The following PCSK2 variants were observed in gnomAD, a reference collection of about 807,000 sequenced individuals.
PCSK2 encodes the protein neuroendocrine convertase 2.
In PCSK2, 14 loss-of-function variants were observed where a neutral mutation model predicts 69.7. That is an observed-to-expected ratio of 0.20 (90% confidence interval 0.13 to 0.31). The LOEUF (loss-of-function observed/expected upper bound fraction) is 0.31. Among genes scored for constraint, PCSK2 ranks in the 10% least tolerant of loss-of-function variants. The pLI is 1.00. For synonymous variants in PCSK2, 307 were observed against 320.7 expected, an observed-to-expected ratio of 0.96 and a Z score of 0.46; for missense variants, 544 against 842.5, an observed-to-expected ratio of 0.65 and a Z score of 4.39.
At chr20:17,234,099 T>C (rs1432044074) in intron 1 of PCSK2, among the ~76,000 whole-genome samples, 1 of 152,222 alleles carries the variant, frequency 6.6e-6, no homozygotes, top group African/African-American at 2.4e-5. Context: ...CAAACTAATA[T>C]GCTGTCAGTA....
chr20:17,294,198 G>T (rs1437819128), intron 2 of PCSK2, among the ~76,000 whole-genome samples: 1 of 137,172 alleles, frequency 7.3e-6, no homozygotes, highest in Non-Finnish European at 1.5e-5. Context: ...TCCGCCTCCC[G>T]GGTTCACGCC....
At chr20:17,405,438 A>G (rs1281259966) in intron 5 of PCSK2, among the ~76,000 whole-genome samples, 1 of 152,198 alleles carries the variant, frequency 6.6e-6, no homozygotes, top group Non-Finnish European at 1.5e-5. Flanking sequence ...AGCAATGGGC[A>G]CAGCCACCAT....
At chr20:17,395,077 A>G (rs2031479865) in intron 5 of PCSK2, among the ~76,000 whole-genome samples, 1 of 152,188 alleles carries the variant, frequency 6.6e-6, no homozygotes, top group South Asian at 2.1e-4. Context: ...CCCAGCTATT[A>G]TAAACACTGA....
At chr20:17,319,709 C>G (rs954314713) in intron 2 of PCSK2, among the ~76,000 whole-genome samples, 4 of 152,142 alleles carry the variant, frequency 2.6e-5, no homozygotes, top group Non-Finnish European at 5.9e-5. Context: ...AAGGACGTTA[C>G]TGCAACAACC....
chr20:17,404,983 TG>T (rs2031722251), intron 5 of PCSK2, among the ~76,000 whole-genome samples: 1 of 152,184 alleles, frequency 6.6e-6, no homozygotes, highest in Non-Finnish European at 1.5e-5. Context: ...CTGATTTAGC[TG>T]GTGGGCCATA....
At chr20:17,474,326 C>T (rs2033254085) in intron 11 of PCSK2, among the ~76,000 whole-genome samples, 1 of 152,180 alleles carries the variant, frequency 6.6e-6, no homozygotes, top group Non-Finnish European at 1.5e-5. Flanking sequence ...GCCAGCATGG[C>T]CTGTGACCCC....
At chr20:17,342,297 A>G (rs1440595218) in intron 2 of PCSK2, among the ~76,000 whole-genome samples, 1 of 152,196 alleles carries the variant, frequency 6.6e-6, no homozygotes, top group Non-Finnish European at 1.5e-5. Context: ...TAAGCAATCT[A>G]TAACGCTCTT....
intron 7 of PCSK2, among the ~76,000 whole-genome samples, chr20:17,430,994 AAC>A (rs1242343143): frequency 6.6e-6 from 1 of 152,130 alleles, no homozygotes; most frequent in Non-Finnish European, 1.5e-5. Context: ...GCACTCTGAA[AAC>A]ACCTGAGCAT....
chr20:17,386,684 T>C (rs2031243085), intron 5 of PCSK2, among the ~76,000 whole-genome samples: 1 of 152,192 alleles, frequency 6.6e-6, no homozygotes, highest in African/African-American at 2.4e-5. Context: ...AGTTTTAGTT[T>C]TGCAAGATGA....
At chr20:17,363,197 T>C (rs1389788488) in intron 4 of PCSK2, among the ~76,000 whole-genome samples, 1 of 152,236 alleles carries the variant, frequency 6.6e-6, no homozygotes, top group Non-Finnish European at 1.5e-5. Flanking sequence ...GAAGTTTAAA[T>C]TTGTGGACAG....
intron 2 of PCSK2, among the ~76,000 whole-genome samples, chr20:17,318,470 A>G: frequency 6.6e-6 from 1 of 152,228 alleles, no homozygotes; most frequent in East Asian, 1.9e-4. Context: ...GAAAAACAAC[A>G]TTACCAGCCC....
intron 2 of PCSK2, among the ~76,000 whole-genome samples, chr20:17,313,461 C>T (rs1989579832): frequency 6.6e-6 from 1 of 152,054 alleles, no homozygotes; most frequent in Admixed American, 6.5e-5. Context: ...TCCAAGAGGG[C>T]CCACTGACAA....
chr20:17,277,733 C>G (rs1385404573), intron 2 of PCSK2, among the ~76,000 whole-genome samples: 1 of 151,662 alleles, frequency 6.6e-6, no homozygotes, highest in Non-Finnish European at 1.5e-5. Flanking sequence ...TCTAATTAAA[C>G]TAAAGAGCTT....
Position 17,270,408 on chromosome 20 carries a change from A to G in PCSK2, c.282+10064A>G, listed in dbSNP as rs944287175. 3.3e-5 allele frequency among the ~76,000 whole-genome samples: 5 copies of G among 152,226 alleles called. No homozygotes were observed. The South Asian group carries it at 1.0e-3, about 32-fold the overall frequency. On this transcript the variant is annotated intron_variant, in intron 2 of 11. Coordinates refer to ENST00000262545, the MANE Select transcript of PCSK2 (RefSeq NM_002594.5). ...AATTTCAAAGCTTTATGGGTTCAGGAGAGGATAACAGTGCAGCCAGGTCTA... is the reference window on the plus strand; with the variant it reads ...AATTTCAAAGCTTTATGGGTTCAGGGGAGGATAACAGTGCAGCCAGGTCTA...
At chr20:17,263,581 A>G (rs1479657203) in intron 2 of PCSK2, among the ~76,000 whole-genome samples, 1 of 152,164 alleles carries the variant, frequency 6.6e-6, no homozygotes, top group Non-Finnish European at 1.5e-5. Flanking sequence ...CTCATTTTAT[A>G]TTTTCCTCCG....
At chr20:17,373,854 C>T (rs1025285109) in intron 5 of PCSK2, among the ~76,000 whole-genome samples, 3 of 152,178 alleles carry the variant, frequency 2.0e-5, no homozygotes, top group Admixed American at 2.0e-4. Context: ...TTCAAAAAAT[C>T]CACACTGAGC....
chr20:17,376,656 C>T (rs1568624443), intron 5 of PCSK2, among the ~76,000 whole-genome samples: 1 of 152,182 alleles, frequency 6.6e-6, no homozygotes, highest in African/African-American at 2.4e-5. Flanking sequence ...GATGGTTAAC[C>T]TACTCATTCA....
intron 1 of PCSK2, among the ~76,000 whole-genome samples, chr20:17,256,649 G>T (rs1202348744): frequency 6.7e-6 from 1 of 149,990 alleles, no homozygotes; most frequent in Non-Finnish European, 1.5e-5. Flanking sequence ...TATACTTTAA[G>T]TTCTGGGATA....
intron 2 of PCSK2, among the ~76,000 whole-genome samples, chr20:17,343,070 G>A (rs1990553269): frequency 1.3e-5 from 2 of 152,148 alleles, no homozygotes; most frequent in South Asian, 4.1e-4. Context: ...CAAACAACTA[G>A]CAAGTGGTAG....
Sources: gnomAD v4.1 joint callset for allele counts (sites outside exome capture counted in the v4.1 genomes callset) on GRCh38, gnomAD v4.1.1 for gene constraint, MANE v1.5 for transcripts, NCBI Gene and HGNC (gene_info 2026-07-23, HGNC 2026-07-21) for gene names.